Variants in ALK observed in about 807,000 individuals in gnomAD.
The protein encoded by ALK is ALK receptor tyrosine kinase.
In ALK, 74 loss-of-function variants were observed where a neutral mutation model predicts 163.1. The ratio of observed to expected loss-of-function variants is 0.45; its 90% confidence interval spans 0.38 to 0.55. The LOEUF (loss-of-function observed/expected upper bound fraction) is 0.55. Among genes scored for constraint, ALK ranks in the 20% least tolerant of loss-of-function variants. ALK has a pLI of 0.00. For missense variants in ALK, 2,063 were observed against 2,105.3 expected, an observed-to-expected ratio of 0.98 and a Z score of 0.39; for synonymous variants, 960 against 843.2, an observed-to-expected ratio of 1.14 and a Z score of -2.40.
At chr2:29,223,636 A>G (rs2148171528) in intron 19 of ALK, 108 bp from the exon 20 acceptor site, 1 of 1,002,674 alleles carries the variant, frequency 1.0e-6, no homozygotes, top group Admixed American at 2.0e-5. Flanking sequence ...TCCTCCCCTG[A>G]GCTCTGAACC....
chr2:29,707,472 A>G (rs1474696398), intron 2 of ALK, among the ~76,000 whole-genome samples: 1 of 152,210 alleles, frequency 6.6e-6, no homozygotes, highest in African/African-American at 2.4e-5. Context: ...TGGGAGGACC[A>G]AAGGTCCACA....
At chr2:29,852,287 A>G (rs1210886661) in intron 1 of ALK, among the ~76,000 whole-genome samples, 1 of 152,196 alleles carries the variant, frequency 6.6e-6, no homozygotes, top group East Asian at 1.9e-4. Context: ...CAGACAGCAG[A>G]CAATGGGAGG....
At position 29,290,460 on chromosome 2, in the gene ALK, G is replaced by T. The variant is rs72852086; in HGVS notation, c.1817+6428C>A. 8.2e-3 allele frequency among the ~76,000 whole-genome samples: 1,249 copies of T among 152,320 alleles called. 13 individuals are homozygous for T. The highest frequency in any genetic ancestry group is 0.028 in the African/African-American group (1,159 of 41,548). On this transcript the variant is annotated intron_variant, in intron 9 of 28. Transcript: ENST00000389048. The stretch of plus-strand genomic sequence containing the variant: ...CTCATAGGCATCCCTTTTTCCTGAG[G>T]TGGAGTTAGAGGCGGAGCAGTTACA...
chr2:29,897,403 T>TA (rs1197423457), intron 1 of ALK, among the ~76,000 whole-genome samples: 3 of 151,348 alleles, frequency 2.0e-5, no homozygotes, highest in African/African-American at 7.3e-5. Context: ...AAAAGGAGAG[T>TA]ACATTCACAT....
chr2:29,272,789 T>G (rs998475096), intron 11 of ALK, among the ~76,000 whole-genome samples: 1 of 152,240 alleles, frequency 6.6e-6, no homozygotes, highest in Non-Finnish European at 1.5e-5. Context: ...AACTCTTCCC[T>G]GCTCTTTTCC....
chr2:29,709,679 C>A (rs931561678), intron 2 of ALK, among the ~76,000 whole-genome samples: 1 of 152,066 alleles, frequency 6.6e-6, no homozygotes, highest in African/African-American at 2.4e-5. Context: ...TGAGGTCCAC[C>A]ACCTCCCAGA....
intron 1 of ALK, among the ~76,000 whole-genome samples, chr2:29,897,907 T>G (rs1028220511): frequency 6.6e-6 from 1 of 152,116 alleles, no homozygotes; most frequent in Non-Finnish European, 1.5e-5. Flanking sequence ...TAGCCCAGTG[T>G]GCAGGCTTGT....
chr2:29,584,528 C>T (rs1210423608), intron 3 of ALK, among the ~76,000 whole-genome samples: 3 of 152,192 alleles, frequency 2.0e-5, no homozygotes, highest in Non-Finnish European at 2.9e-5. Context: ...TGCTTGAATA[C>T]CAAACAAGAT....
intron 4 of ALK, among the ~76,000 whole-genome samples, chr2:29,401,994 G>A (rs893938797): frequency 3.3e-5 from 5 of 152,170 alleles, no homozygotes; most frequent in Non-Finnish European, 5.9e-5. Context: ...TCTGGGAGCC[G>A]GGGCAGCTCT....
At chr2:29,291,628 G>T (rs1333096091) in intron 9 of ALK, among the ~76,000 whole-genome samples, 1 of 152,196 alleles carries the variant, frequency 6.6e-6, no homozygotes, top group East Asian at 1.9e-4. Flanking sequence ...TGACTGGCAG[G>T]CAGTAAGCAC....
At chr2:29,425,474 T>A (rs972893872) in intron 4 of ALK, among the ~76,000 whole-genome samples, 1 of 152,190 alleles carries the variant, frequency 6.6e-6, no homozygotes, top group Admixed American at 6.5e-5. Context: ...TTCTCCCTCA[T>A]AGAGTGGAGT....
intron 3 of ALK, among the ~76,000 whole-genome samples, chr2:29,597,854 T>G (rs1369478278): frequency 6.6e-6 from 1 of 152,104 alleles, no homozygotes; most frequent in Non-Finnish European, 1.5e-5. Context: ...TGGGGTGTGG[T>G]GCAGGGCTGC....
intron 5 of ALK, among the ~76,000 whole-genome samples, chr2:29,375,005 C>T (rs1668720967): frequency 1.3e-5 from 2 of 152,116 alleles, no homozygotes; most frequent in African/African-American, 4.8e-5. Flanking sequence ...GTGGCACCTC[C>T]CCAGGTTGGC....
rs573194210 is a variant in ALK at position 29,282,599 on chromosome 2, C to T, written c.1818-7103G>A. On this transcript the variant is annotated intron_variant, in intron 9 of 28. Coordinates refer to ENST00000389048, the MANE Select transcript of ALK (RefSeq NM_004304.5). ...CACTCTTAGAAGTAATTTACCACCT[C>T]CTGCCTTGGTTTCCCCTCTAGGCAT... 1.1e-4 allele frequency among the ~76,000 whole-genome samples: 16 copies of T among 152,250 alleles called. No individual in the cohort carries two copies. The South Asian group carries it at 2.9e-3, about 28-fold the overall frequency.
chr2:29,335,101 C>A (rs143505061), intron 5 of ALK, among the ~76,000 whole-genome samples: 21 of 152,274 alleles, frequency 1.4e-4, no homozygotes, highest in African/African-American at 4.6e-4. Context: ...AAAGCCAGCT[C>A]CTGTTTCCCA....
intron 1 of ALK, among the ~76,000 whole-genome samples, chr2:29,908,816 AG>A (rs1667621538): frequency 6.6e-6 from 1 of 152,242 alleles, no homozygotes; most frequent in Admixed American, 6.5e-5. Flanking sequence ...CCATTTGTTT[AG>A]CATTCAAGTG....
At chr2:29,583,890 A>G (rs964186954) in intron 3 of ALK, among the ~76,000 whole-genome samples, 11 of 152,212 alleles carry the variant, frequency 7.2e-5, no homozygotes, top group African/African-American at 2.7e-4. Context: ...TATCATGTAA[A>G]TTTAATTAGA....
In ALK at chr2:29,497,008, C is replaced by T. The variant is rs573865913; in HGVS notation, c.1154+34907G>A. ...TGATGAGGCCAGGCATGGTGGCTCA[C>T]GCCTGTAATCCCAGCACTTTGGGTG... On this transcript the variant is annotated intron_variant, in intron 4 of 28. Coordinates refer to ENST00000389048, the MANE Select transcript of ALK (RefSeq NM_004304.5). Among the ~76,000 whole-genome samples, 220 of 152,306 alleles carry T rather than the reference C, an allele frequency of 1.4e-3. 2 individuals carry two copies. The highest frequency in any genetic ancestry group is 2.0e-3 in the Non-Finnish European group (135 of 68,016).
chr2:29,431,266 G>C (rs569391516), intron 4 of ALK, among the ~76,000 whole-genome samples: 6 of 152,244 alleles, frequency 3.9e-5, no homozygotes, highest in Admixed American at 3.9e-4. Context: ...CGTGCTCTCA[G>C]GTTGTATCTC....
Sources: allele counts gnomAD v4.1 joint callset (sites outside exome capture counted in the v4.1 genomes callset), GRCh38; gene constraint gnomAD v4.1.1; transcripts MANE v1.5; gene names NCBI Gene and HGNC (gene_info 2026-07-23, HGNC 2026-07-21).